The following C3 variants were observed in gnomAD, a reference collection of about 807,000 sequenced individuals.
C3 encodes the protein C3 and PZP-like alpha-2-macroglobulin domain-containing protein 1.
A neutral mutation model predicts 207.9 loss-of-function variants in C3; 97 were observed. That is an observed-to-expected ratio of 0.47 (90% CI 0.40 to 0.55). The LOEUF is 0.55. C3 is among the 20% of genes least tolerant of loss of function. The pLI, the probability that C3 is intolerant of heterozygous loss-of-function variation, is 0.00. For synonymous variants in C3, 848 were observed against 857.6 expected (o/e 0.99, Z 0.20); for missense variants, 1,684 against 2,171.7 (o/e 0.78, Z 4.46).
At chr19:6,688,693 C>T in intron 27 of C3, among the ~76,000 whole-genome samples, 1 of 152,208 alleles carries the variant, frequency 6.6e-6, no homozygotes, top group Non-Finnish European at 1.5e-5. Context: ...TCTGGTTTCA[C>T]AGCCTGTGCT....
At chr19:6,684,748 A>C (rs1236356079) in intron 31 of C3, 27 bp downstream of exon 31, 2 of 1,613,444 alleles carry the variant, frequency 1.2e-6, no homozygotes, top group Admixed American at 3.3e-5. Flanking sequence ...GGCATGGGCC[A>C]GGCAGGTGTG....
chr19:6,684,580 A>C lies in C3; in HGVS notation c.4100T>G (p.Ile1367Arg). The C allele has an allele frequency of 6.2e-7, 1 of 1,613,974 alleles. No homozygotes were observed. Residue 1367 changes from isoleucine to arginine, a missense_variant, in exon 32 of 41, where the codon ATA (isoleucine) becomes AGA (arginine). Around this residue, in one of 3 missense-constraint regions of C3, gnomAD observed 346 missense variants for 380.1 expected, o/e 0.91. Transcript: ENST00000245907. Reference sequence around the variant, plus strand: ...TTTACCTGTTTCCGGTGCTGGTTTTATGGTGACCTTGAGGTCGAATTTATT... The same window carrying C: ...TTTACCTGTTTCCGGTGCTGGTTTTCTGGTGACCTTGAGGTCGAATTTATT... ...TCNKFDLKVT[I>R]KPAPETEKRP...
Position 6,690,731 on chromosome 19 carries a change from A to G in C3, c.3391-4T>C, listed in dbSNP as rs11569510. ...CGTTGTTGTTCCGTAATCCACCCTG[A>G]GATAGAGAGCAGAAAGCAAGGATGG... On this transcript the variant is annotated splice_region_variant and splice_polypyrimidine_tract_variant and intron_variant, in intron 26 of 40. Coordinates refer to ENST00000245907, the MANE Select transcript of C3 (RefSeq NM_000064.4). The G allele has an allele frequency of 0.12, 192,969 of 1,612,048 alleles. 12,384 individuals are homozygous for G. The highest frequency in any genetic ancestry group is 0.13 in the Non-Finnish European group (148,528 of 1,178,264).
chr19:6,718,544 A>T, intron 2 of C3, 132 bp from the exon 3 acceptor site: 8 of 989,808 alleles, frequency 8.1e-6, no homozygotes, highest in African/African-American at 1.6e-5. Flanking sequence ...CGTTTTGGGG[A>T]GGGAGGGGCA....
chr19:6,702,604 T>G (rs1229083645), intron 17 of C3, 25 bp from the exon 18 acceptor site: 2 of 1,511,106 alleles, frequency 1.3e-6, no homozygotes, highest in Non-Finnish European at 1.8e-6. Flanking sequence ...GATCTGCATT[T>G]AGAACAGAGC....
intron 3 of C3, 40 bp from the exon 4 acceptor site, chr19:6,718,204 C>A: frequency 6.2e-7 from 1 of 1,614,068 alleles, no homozygotes; most frequent in Non-Finnish European, 8.5e-7. Flanking sequence ...CCCTAGCCCG[C>A]CCACGCCGGT....
chr19:6,693,601 G>T, intron 24 of C3, 114 bp from the exon 25 acceptor site: 1 of 875,630 alleles, frequency 1.1e-6, no homozygotes, highest in Non-Finnish European at 1.8e-6. Flanking sequence ...TGGCGGAGGG[G>T]TTCTGGGAGG....
chr19:6,684,195 G>A (rs556492223), intron 33 of C3, 193 bp downstream of exon 33: 2 of 685,492 alleles, frequency 2.9e-6, no homozygotes, highest in East Asian at 2.6e-5. Context: ...AGCTTACGTG[G>A]TCATTGCTGT....
Position 6,689,336 on chromosome 19 carries a change from C to CT in C3, c.3489+1292_3489+1293insA, listed in dbSNP as rs1568213464. ...CTCTCTCTCTCTACCTACCTCCCTC[C>CT]CTCCCTCCCTCCCTCCCTCCCTCCC... is the stretch of plus-strand genomic sequence containing the variant. On this transcript the variant is annotated intron_variant, in intron 27 of 40. Coordinates refer to ENST00000245907, the MANE Select transcript of C3 (RefSeq NM_000064.4). Among the ~76,000 whole-genome samples the CT allele has an allele frequency of 3.2e-4, 15 of 46,778 alleles. 1 individual carries two copies. The highest frequency in any genetic ancestry group is 2.2e-3 in the East Asian group (4 of 1,782). 30.7% of individuals were successfully genotyped at this position (46,778 alleles called of 152,430 possible).
At chr19:6,710,587 AG>A in intron 13 of C3, 51 bp downstream of exon 13, 1 of 1,371,190 alleles carries the variant, frequency 7.3e-7, no homozygotes, top group Non-Finnish European at 1.0e-6. Flanking sequence ...AGAGAGAGAG[AG>A]AGAGGAGTAG....
intron 22 of C3, 28 bp downstream of exon 22, chr19:6,696,557 CCAGCCCCT>C: frequency 1.2e-6 from 2 of 1,609,152 alleles, no homozygotes; most frequent in Non-Finnish European, 1.7e-6. Flanking sequence ...CCTTACCCTG[CCAGCCCCT>C]CAGCCCCTCC....
rs1918202818 is a variant in C3 at position 6,692,968 on chromosome 19, C to T, written c.3346G>A (p.Gly1116Arg). 2 of 1,614,180 alleles carry T rather than the reference C, an allele frequency of 1.2e-6. No homozygotes were observed. Among genetic ancestry groups the T allele is most frequent in the Non-Finnish European group, 1.7e-6 (2 of 1,180,040 alleles). ...WLILEKQKPD[G>R]VFQEDAPVIH... ...ACGGGCGCATCCTCCTGGAAGACCC[C>T]GTCGGGCTTCTGCTTCTCCAGGATC... is the stretch of plus-strand genomic sequence containing the variant. Residue 1116 changes from glycine (G) to arginine (R), a missense_variant, in exon 26 of 41, where the codon GGG becomes AGG. By Grantham distance (125) the Gly-to-Arg change is moderately radical (BLOSUM62 -2). This residue lies in a region of C3 where 1,280 missense variants were observed against 1,739.1 expected (regional missense o/e 0.74). Coordinates refer to ENST00000245907, the MANE Select transcript of C3 (RefSeq NM_000064.4).
intron 19 of C3, among the ~76,000 whole-genome samples, chr19:6,700,126 C>T (rs562707314): frequency 8.7e-4 from 125 of 142,954 alleles, no homozygotes; most frequent in African/African-American, 2.7e-3. Context: ...TATTATAATT[C>T]ATTAAATTAT....
rs112165954 is a variant in C3 at position 6,713,186 on chromosome 19, C to T, written c.1003+3G>A. 2 of 1,613,774 alleles carry T rather than the reference C, an allele frequency of 1.2e-6. No individual in the cohort carries two copies. The highest frequency in any genetic ancestry group is 1.1e-5 in the South Asian group (1 of 91,084). On this transcript the variant is annotated splice_donor_region_variant and intron_variant, in intron 9 of 40. Coordinates refer to ENST00000245907, the MANE Select transcript of C3 (RefSeq NM_000064.4). ...TGAGCCTGGCCTTCAGACTGGGCCT[C>T]ACCTGAGTGCAAGATGACGGTGGCA... is the stretch of plus-strand genomic sequence containing the variant.
chr19:6,679,251 T>C, intron 37 of C3, 43 bp from the exon 38 acceptor site: 1 of 1,563,020 alleles, frequency 6.4e-7, no homozygotes, highest in Non-Finnish European at 8.8e-7. Flanking sequence ...CCACTCCTTA[T>C]CTGGGGCCTA....
chr19:6,707,965 G>A (rs1250107855), intron 14 of C3, 36 bp from the exon 15 acceptor site: 1 of 1,610,982 alleles, frequency 6.2e-7, no homozygotes, highest in Non-Finnish European at 8.5e-7. Context: ...ACGCAGGGAG[G>A]CCAGGCTGAC....
intron 17 of C3, among the ~76,000 whole-genome samples, chr19:6,704,557 G>A (rs892639522): frequency 4.6e-5 from 7 of 151,932 alleles, no homozygotes; most frequent in Non-Finnish European, 7.4e-5. Context: ...TTGGGAGTTC[G>A]ACACCAGCCT....
intron 7 of C3, 97 bp from the exon 8 acceptor site, chr19:6,713,606 C>T (rs1257387923): frequency 1.0e-6 from 1 of 961,792 alleles, no homozygotes; most frequent in Non-Finnish European, 1.6e-6. Flanking sequence ...GAGCCCCCAA[C>T]CCACTGCTGG....
intron 37 of C3, 75 bp downstream of exon 37, chr19:6,679,332 C>T: frequency 6.8e-7 from 1 of 1,467,602 alleles, no homozygotes; most frequent in Non-Finnish European, 9.6e-7. Flanking sequence ...TCTGGGGGTC[C>T]CTGACCATGG....
Sources: allele counts gnomAD v4.1 joint callset (sites outside exome capture counted in the v4.1 genomes callset), GRCh38; gene constraint gnomAD v4.1.1; regional missense constraint gnomAD v4.1.1; transcripts MANE v1.5; gene names NCBI Gene and HGNC (gene_info 2026-07-23, HGNC 2026-07-21).